C8orf74: variants seen among roughly 807,000 people sequenced by gnomAD.
C8orf74 encodes the protein uncharacterized protein C8orf74.
A neutral mutation model predicts 22.2 loss-of-function variants in C8orf74; 29 were observed. The ratio of observed to expected loss-of-function variants is 1.31; its 90% CI spans 0.97 to 1.78. The LOEUF (loss-of-function observed/expected upper bound fraction) is 1.78, where lower values mean the gene tolerates loss of function less well. Among genes scored for constraint, C8orf74 ranks in the 40% most tolerant of loss-of-function variants. C8orf74 has a pLI of 0.00. For synonymous variants in C8orf74, 255 were observed against 163.1 expected (o/e 1.56, Z -4.30); for missense variants, 515 against 369.9 (o/e 1.39, Z -3.22).
chr8:10,698,015 TG>T lies in C8orf74; in HGVS notation c.648+11del. On this transcript the variant is annotated intron_variant, in intron 3 of 3. Coordinates refer to ENST00000304519, the MANE Select transcript of C8orf74 (RefSeq NM_001040032.2). Reference sequence around the variant, plus strand: ...GGTCCTGGAGAGACAGGTGAGGCTCTGCCCCCCTGCCGTGGGTGGGCACCTG... The same window carrying T: ...GGTCCTGGAGAGACAGGTGAGGCTCTCCCCCCTGCCGTGGGTGGGCACCTG... 6.9e-7 allele frequency: 1 copy of T among 1,456,696 alleles called. No homozygotes were observed. The highest frequency in any genetic ancestry group is 1.4e-5 in the African/African-American group (1 of 70,982). The allele number at this position is 1,456,696 out of a possible 1,614,324, so 90.2% of individuals were successfully genotyped here.
chr8:10,696,108 T>C (rs948257659), intron 2 of C8orf74, among the ~76,000 whole-genome samples: 3 of 151,992 alleles, frequency 2.0e-5, no homozygotes, highest in African/African-American at 4.8e-5. Flanking sequence ...CTCACCAGGG[T>C]AGGCATGTAA....
intron 2 of C8orf74, among the ~76,000 whole-genome samples, chr8:10,695,886 T>C (rs1198390471): frequency 3.3e-5 from 5 of 152,088 alleles, no homozygotes; most frequent in African/African-American, 1.2e-4. Context: ...GAAGGAACTG[T>C]GGAATTCTCC....
chr8:10,673,131 G>C (rs1317247886), intron 1 of C8orf74, among the ~76,000 whole-genome samples: 1 of 152,104 alleles, frequency 6.6e-6, no homozygotes, highest in Admixed American at 6.5e-5. Context: ...AGGACTCTAG[G>C]CCTCCCTCTG....
At chr8:10,700,189 G>T in intron 3 of C8orf74, 46 bp from the exon 4 acceptor site, 4 of 1,293,402 alleles carry the variant, frequency 3.1e-6, no homozygotes, top group Non-Finnish European at 4.3e-6. Flanking sequence ...ACTGGATCCG[G>T]CGAGGCTCCC....
chr8:10,700,236 A>C lies in C8orf74; in HGVS notation c.650A>C (p.Glu217Ala), dbSNP rs1316062752. 6 of 1,590,656 alleles carry C rather than the reference A, an allele frequency of 3.8e-6. No homozygotes were observed. Among genetic ancestry groups the C allele is most frequent in the Middle Eastern group, 1.7e-4 (1 of 5,984 alleles). ...AQPGQVLERQ[E>A]LESLICQAVH... ...ATCGGCCTTCCCCTTTCCTTCCAGG[A>C]GTTGGAGAGCCTCATCTGCCAGGCA... The change falls in exon 4 of 4, where the codon GAG (glutamate) becomes GCG (alanine). Residue 217 changes from glutamate to alanine, a missense_variant and splice_region_variant. Coordinates refer to ENST00000304519, the MANE Select transcript of C8orf74 (RefSeq NM_001040032.2).
chr8:10,684,445 A>C (rs1161240519), intron 2 of C8orf74, among the ~76,000 whole-genome samples: 3 of 152,196 alleles, frequency 2.0e-5, no homozygotes, highest in Non-Finnish European at 4.4e-5. Context: ...AGTCTTTAAA[A>C]CATGTGGTCC....
intron 2 of C8orf74, among the ~76,000 whole-genome samples, chr8:10,684,866 C>G (rs1192005710): frequency 2.0e-5 from 3 of 152,196 alleles, no homozygotes; most frequent in African/African-American, 7.2e-5. Context: ...TTGGGGCCAT[C>G]ATTAAGTCAA....
At chr8:10,681,788 G>T (rs139551432) in intron 2 of C8orf74, among the ~76,000 whole-genome samples, 1 of 152,248 alleles carries the variant, frequency 6.6e-6, no homozygotes, top group African/African-American at 2.4e-5. Context: ...CCCAGGCCTG[G>T]CAGGAGGCGG....
In C8orf74 at chr8:10,697,926, G is replaced by A. The variant is rs192663026; in HGVS notation, c.569G>A (p.Arg190His). 44 of 1,594,858 alleles carry A rather than the reference G, an allele frequency of 2.8e-5. No individual in the cohort carries two copies. The East Asian group carries it at 9.2e-4, about 33-fold the overall frequency. Residue 190 changes from arginine (R) to histidine (H), a missense_variant, in exon 3 of 4, where the codon CGC becomes CAC. Transcript: ENST00000304519. ...ADVLLLKEAL[R>H]LERENSLQKA... ...GTGCTGCTCCTGAAAGAGGCGCTGC[G>A]CCTGGAGCGGGAGAACTCGCTGCAG... is the stretch of plus-strand genomic sequence containing the variant.
intron 2 of C8orf74, 128 bp downstream of exon 2, chr8:10,674,966 C>A (rs1799003077): frequency 1.4e-6 from 1 of 701,716 alleles, no homozygotes; most frequent in Non-Finnish European, 2.3e-6. Context: ...CCTTCCCTGG[C>A]ATTGGGCCTC....
intron 2 of C8orf74, chr8:10,690,816 G>C (rs760875451): frequency 2.5e-5 from 11 of 440,244 alleles, no homozygotes; most frequent in East Asian, 7.3e-5. Flanking sequence ...AGCCTCCCCC[G>C]CCCTTCCCCT....
intron 2 of C8orf74, among the ~76,000 whole-genome samples, chr8:10,680,830 C>T (rs79055385): frequency 0.018 from 2,756 of 152,300 alleles, 50 homozygotes; most frequent in Non-Finnish European, 0.029. Flanking sequence ...CTGGCACATT[C>T]CAGCTCTTTT....
intron 2 of C8orf74, chr8:10,690,890 G>A (rs924440220): frequency 2.2e-6 from 1 of 456,008 alleles, no homozygotes; most frequent in Non-Finnish European, 4.4e-6. Flanking sequence ...CCAGGGGCTT[G>A]GGGACCATCT....
chr8:10,674,693 G>A lies in C8orf74; in HGVS notation c.96G>A (p.Glu32=), dbSNP rs772846837. Residue 32 remains glutamate (E), a synonymous_variant, in exon 2 of 4, where the codon GAG becomes GAA. Coordinates refer to ENST00000304519, the MANE Select transcript of C8orf74 (RefSeq NM_001040032.2). The part of the protein sequence containing the change: ...ERLRRLLNWE[E]FDEQRDSRRS... ...TGCGGAGGCTTCTGAACTGGGAGGA[G>A]TTTGACGAACAGAGAGACTCCCGGA... is the stretch of plus-strand genomic sequence containing the variant. 14 of 1,610,356 alleles carry A rather than the reference G, an allele frequency of 8.7e-6. No individual in the cohort carries two copies. The South Asian group carries it at 1.3e-4, about 15-fold the overall frequency.
rs180819005 is a variant in C8orf74 at position 10,689,444 on chromosome 8, T to C, written c.242-8155T>C. 1.9e-4 allele frequency: 29 copies of C among 152,332 alleles called. No homozygotes were observed. In the East Asian group the frequency reaches 5.2e-3, roughly 27 times the overall value. 9.4% of individuals were successfully genotyped at this position (152,332 alleles called of 1,614,324 possible). A position where few individuals can be genotyped will look rare whatever the true frequency, so the allele number is the denominator to read the frequency against. On this transcript the variant is annotated intron_variant, in intron 2 of 3. Transcript: ENST00000304519. ...GTGATCTGCTAAGCTCATTTGCATA[T>C]TTTGTTGAGCTCATTAGCATATTAA... is the stretch of plus-strand genomic sequence containing the variant.
chr8:10,680,233 G>C (rs1461295071), intron 2 of C8orf74, among the ~76,000 whole-genome samples: 1 of 152,216 alleles, frequency 6.6e-6, no homozygotes, highest in East Asian at 1.9e-4. Flanking sequence ...AAAAGTCTCA[G>C]TTCAAATCCC....
intron 2 of C8orf74, among the ~76,000 whole-genome samples, chr8:10,682,516 C>T (rs2129056956): frequency 6.6e-6 from 1 of 152,288 alleles, no homozygotes; most frequent in Admixed American, 6.5e-5. Context: ...CTCTTGTGGT[C>T]TCCCTCTGTG....
At chr8:10,687,634 AAAAG>A (rs1563160170) in intron 2 of C8orf74, among the ~76,000 whole-genome samples, 2 of 151,868 alleles carry the variant, frequency 1.3e-5, no homozygotes, top group African/African-American at 4.8e-5. Context: ...AAAAAAAAAA[AAAAG>A]AAAGAGATTG....
intron 2 of C8orf74, among the ~76,000 whole-genome samples, chr8:10,693,761 G>C (rs1214101506): frequency 6.6e-6 from 1 of 152,200 alleles, no homozygotes; most frequent in African/African-American, 2.4e-5. Flanking sequence ...GGTTGTGCCA[G>C]TTTCTGTCTT....
Sources: allele counts gnomAD v4.1 joint callset (sites outside exome capture counted in the v4.1 genomes callset), GRCh38; gene constraint gnomAD v4.1.1; transcripts MANE v1.5; gene names NCBI Gene and HGNC (gene_info 2026-07-23, HGNC 2026-07-21).